The following GPR137B variants were observed in gnomAD, a reference collection of about 807,000 sequenced individuals.
The protein encoded by GPR137B is integral membrane protein GPR137B.
In GPR137B, 42 loss-of-function variants were observed where a neutral mutation model predicts 42.5. The ratio of observed to expected loss-of-function variants is 0.99; its 90% CI spans 0.77 to 1.28. The LOEUF (loss-of-function observed/expected upper bound fraction) is 1.28, where lower values mean the gene tolerates loss of function less well. GPR137B is among the 50% of genes most tolerant of loss of function. The probability of loss-of-function intolerance (pLI) is 0.00; values close to 1 mark genes in which losing one functional copy is unlikely to be tolerated. For missense variants in GPR137B, 487 were observed against 493.9 expected, an observed-to-expected ratio of 0.99 and a Z score of 0.13; for synonymous variants, 218 against 209.7, an observed-to-expected ratio of 1.04 and a Z score of -0.34.
Position 236,199,695 on chromosome 1 carries a change from G to A in GPR137B, c.967-5431G>A, listed in dbSNP as rs530952990. Among the ~76,000 whole-genome samples, 12 of 151,844 alleles carry A rather than the reference G, an allele frequency of 7.9e-5. No homozygotes were observed. In the South Asian group the frequency reaches 1.0e-3, roughly 13 times the overall value. ...TGATCTTTTGTATTTCTGTGGTATC[G>A]GTTGTAATATCTCCCATTTTGTTTC... On this transcript the variant is annotated intron_variant, in intron 5 of 6. Transcript: ENST00000366592.
At chr1:236,147,438 C>A (rs1366451105) in intron 1 of GPR137B, among the ~76,000 whole-genome samples, 1 of 152,252 alleles carries the variant, frequency 6.6e-6, no homozygotes. Context: ...GGCTTTAGGC[C>A]CCTTTTCGAA....
In GPR137B at chr1:236,166,283, G is replaced by A. The variant is rs114874056; in HGVS notation, c.415-2423G>A. Among the ~76,000 whole-genome samples the A allele has an allele frequency of 5.5e-3, 834 of 150,782 alleles. 9 individuals carry two copies. Among genetic ancestry groups the A allele is most frequent in the African/African-American group, 0.019 (770 of 40,312 alleles). The stretch of plus-strand genomic sequence containing the variant: ...ATTAATCTATTTCTTGTTTCTAAGA[G>A]AGGTTGTTTGGTAACGTTTCTTTTT... On this transcript the variant is annotated intron_variant, in intron 1 of 6. Coordinates refer to ENST00000366592, the MANE Select transcript of GPR137B (RefSeq NM_003272.4).
chr1:236,181,893 A>AACCTTTTT (rs1662887127), intron 4 of GPR137B, among the ~76,000 whole-genome samples: 1 of 121,500 alleles, frequency 8.2e-6, no homozygotes, highest in Admixed American at 9.0e-5. Context: ...AATATTTGCT[A>AACCTTTTT]TTTTTTTTTT....
At chr1:236,144,904 C>T (rs375433085) in intron 1 of GPR137B, among the ~76,000 whole-genome samples, 2 of 152,314 alleles carry the variant, frequency 1.3e-5, no homozygotes, top group East Asian at 3.9e-4. Context: ...AACTTAGAGC[C>T]GGATTAGGGG....
In GPR137B at chr1:236,156,260, A is replaced by C. The variant is rs1662025009; in HGVS notation, c.415-12446A>C. Among the ~76,000 whole-genome samples the C allele has an allele frequency of 6.6e-6, 1 of 152,156 alleles. No homozygotes were observed. Among genetic ancestry groups the C allele is most frequent in the Non-Finnish European group, 1.5e-5 (1 of 68,028 alleles). On this transcript the variant is annotated intron_variant, in intron 1 of 6. Transcript: ENST00000366592. This position sits in a 1 kb window ranked among gnomAD's most constrained non-coding sequence, Gnocchi z 4.8. ...TTGGGCCACATGCTTGCCAAAGTCAAAGGTGGGAGGTGATGCGGTGAACAC... is the reference window on the plus strand; with the variant it reads ...TTGGGCCACATGCTTGCCAAAGTCACAGGTGGGAGGTGATGCGGTGAACAC...
In GPR137B at chr1:236,183,487, TGAA is replaced by T. The variant is rs557015798; in HGVS notation, c.838-282_838-280del. Among the ~76,000 whole-genome samples the T allele has an allele frequency of 1.3e-3, 195 of 152,324 alleles. 5 individuals carry two copies. The East Asian group carries it at 0.02, about 15-fold the overall frequency. ...TAGAAGTTTCTGTCTTTGAATATTT[TGAA>T]GAAGAAGATAATCATTTATCTCATA... is the stretch of plus-strand genomic sequence containing the variant. On this transcript the variant is annotated intron_variant, in intron 4 of 6. Transcript: ENST00000366592.
chr1:236,205,557 G>C (rs1476434666), intron 6 of GPR137B, among the ~76,000 whole-genome samples: 1 of 151,950 alleles, frequency 6.6e-6, no homozygotes, highest in East Asian at 1.9e-4. Context: ...TTTATTTCTT[G>C]GAGATAGGGT....
At chr1:236,186,293 T>TAA (rs1663030784) in intron 5 of GPR137B, among the ~76,000 whole-genome samples, 1 of 96,090 alleles carries the variant, frequency 1.0e-5, no homozygotes, top group Non-Finnish European at 1.9e-5. Context: ...ATAAATAATA[T>TAA]ATAATATATA....
At chr1:236,143,600 C>T (rs950296587) in intron 1 of GPR137B, among the ~76,000 whole-genome samples, 1 of 152,204 alleles carries the variant, frequency 6.6e-6, no homozygotes, top group Admixed American at 6.5e-5. Flanking sequence ...ACTCATTCCA[C>T]CGGATTGCTA....
At chr1:236,182,754 A>G (rs759771529) in intron 4 of GPR137B, among the ~76,000 whole-genome samples, 3 of 152,012 alleles carry the variant, frequency 2.0e-5, no homozygotes, top group Non-Finnish European at 2.9e-5. Context: ...AACAAAAAAT[A>G]TATATATAAA....
At position 236,171,579 on chromosome 1, in the gene GPR137B, G is replaced by A. The variant is rs1662538531; in HGVS notation, c.464+2824G>A. 6.6e-6 allele frequency among the ~76,000 whole-genome samples: 1 copy of A among 152,226 alleles called. No individual in the cohort carries two copies. Among genetic ancestry groups the A allele is most frequent in the South Asian group, 2.1e-4 (1 of 4,824 alleles). ...TCAACCTCTGAGCACGGGGACTGGG[G>A]TCTTCGGGTGAGAAGATATGTGCGT... On this transcript the variant is annotated intron_variant, in intron 2 of 6. Coordinates refer to ENST00000366592, the MANE Select transcript of GPR137B (RefSeq NM_003272.4). The surrounding 1 kb of genome is among the most constrained non-coding windows in gnomAD (Gnocchi z 4.4).
In GPR137B at chr1:236,169,203, TGC is replaced by T. The variant is rs1491441317; in HGVS notation, c.464+449_464+450del. 5.6e-3 allele frequency among the ~76,000 whole-genome samples: 789 copies of T among 141,402 alleles called. 5 individuals are homozygous for T. The highest frequency in any genetic ancestry group is 0.024 in the African/African-American group (751 of 31,356). 92.8% of individuals were successfully genotyped at this position (141,402 alleles called of 152,430 possible). ...GTGCAGGTGCAGGTGCAGGTGCAGG[TGC>T]AGGTGCAGGTACAGGTACAGGTACA... On this transcript the variant is annotated intron_variant, in intron 2 of 6. Coordinates refer to ENST00000366592, the MANE Select transcript of GPR137B (RefSeq NM_003272.4).
intron 5 of GPR137B, among the ~76,000 whole-genome samples, chr1:236,202,034 C>T (rs1049941859): frequency 4.6e-5 from 7 of 151,978 alleles, no homozygotes; most frequent in African/African-American, 1.7e-4. Context: ...TCTAGTCACC[C>T]AGCAGGGCTA....
At chr1:236,173,321 T>A (rs1316198666) in intron 2 of GPR137B, among the ~76,000 whole-genome samples, 214 of 96,524 alleles carry the variant, frequency 2.2e-3, no homozygotes, top group Admixed American at 3.3e-3. Context: ...AAGAAAAGGA[T>A]GAAAGGAAGG....
At chr1:236,149,017 C>T (rs999329190) in intron 1 of GPR137B, among the ~76,000 whole-genome samples, 2 of 152,118 alleles carry the variant, frequency 1.3e-5, no homozygotes, top group Non-Finnish European at 2.9e-5. Context: ...TGTCCTGAAT[C>T]CCTTTGCTCC....
intron 1 of GPR137B, among the ~76,000 whole-genome samples, chr1:236,144,433 C>CA (rs944531751): frequency 6.3e-4 from 95 of 151,754 alleles, no homozygotes; most frequent in East Asian, 4.6e-3. Flanking sequence ...AACAAACAAA[C>CA]AAAAAAAACA....
chr1:236,145,868 T>G (rs1661667974), intron 1 of GPR137B, among the ~76,000 whole-genome samples: 1 of 152,200 alleles, frequency 6.6e-6, no homozygotes, highest in Non-Finnish European at 1.5e-5. Context: ...TTATGTACAG[T>G]ATGTGAAACC....
intron 1 of GPR137B, among the ~76,000 whole-genome samples, chr1:236,159,228 C>A (rs1019956951): frequency 6.6e-6 from 1 of 152,012 alleles, no homozygotes; most frequent in African/African-American, 2.4e-5. Context: ...CAGGAGGATT[C>A]CTGGAGCCCA....
At position 236,171,632 on chromosome 1, in the gene GPR137B, C is replaced by CA. The variant is rs1215582943; in HGVS notation, c.464+2880dup. 1.3e-5 allele frequency among the ~76,000 whole-genome samples: 2 copies of CA among 152,166 alleles called. No homozygotes were observed. The highest frequency in any genetic ancestry group is 2.9e-5 in the Non-Finnish European group (2 of 68,030). On this transcript the variant is annotated intron_variant, in intron 2 of 6. Coordinates refer to ENST00000366592, the MANE Select transcript of GPR137B (RefSeq NM_003272.4). The surrounding 1 kb of genome is among the most constrained non-coding windows in gnomAD (Gnocchi z 4.4). ...GGCAGTCCTTGCTTGATCCTTGAGCCAAAGTATACCTCAAAGACAGGCTGC... is the reference window on the plus strand; with the variant it reads ...GGCAGTCCTTGCTTGATCCTTGAGCCAAAAGTATACCTCAAAGACAGGCTGC...
Sources: gnomAD v4.1 joint callset for allele counts (sites outside exome capture counted in the v4.1 genomes callset) on GRCh38, gnomAD v4.1.1 for gene constraint, Gnocchi (gnomAD v3.1) non-coding constraint, MANE v1.5 for transcripts, NCBI Gene and HGNC (gene_info 2026-07-23, HGNC 2026-07-21) for gene names.